Variants in ING5 observed in about 807,000 individuals in gnomAD.
The protein encoded by ING5 is inhibitor of growth family member 5.
ING5 carries 17 observed loss-of-function variants against 37.4 expected under a neutral mutation model. The ratio of observed to expected loss-of-function variants is 0.45; its 90% CI spans 0.31 to 0.68. ING5 has a LOEUF of 0.68. Among genes scored for constraint, ING5 ranks in the 30% least tolerant of loss-of-function variants. The pLI is 0.05. For synonymous variants in ING5, 123 were observed against 116.6 expected (o/e 1.06, Z -0.36); for missense variants, 233 against 311.9 (o/e 0.75, Z 1.91).
At chr2:241,701,673 G>A (rs1482253198), upstream of ING5, among the ~76,000 whole-genome samples, 9 of 152,286 alleles carry the variant, frequency 5.9e-5, no homozygotes, top group African/African-American at 1.9e-4. Context: ...AGCAGGGGTC[G>A]CGTGGGCGCC....
At chr2:241,697,849 G>A (rs575403851), upstream of ING5, among the ~76,000 whole-genome samples, 24 of 151,862 alleles carry the variant, frequency 1.6e-4, no homozygotes, top group South Asian at 4.6e-3. Context: ...TTGGAAGGCT[G>A]ATGCCAGTGG....
intron 1 of ING5, among the ~76,000 whole-genome samples, chr2:241,704,207 A>G (rs2069830656): frequency 6.6e-6 from 1 of 152,162 alleles, no homozygotes; most frequent in African/African-American, 2.4e-5. Flanking sequence ...TAAAAATGAG[A>G]TCACAGTCCT....
At chr2:241,689,453 A>G (rs974100595) in intron 1 of ING5, among the ~76,000 whole-genome samples, 1 of 152,122 alleles carries the variant, frequency 6.6e-6, no homozygotes, top group Non-Finnish European at 1.5e-5. Context: ...GAGACTTCCA[A>G]ATGGTAATGT....
intron 4 of ING5, chr2:241,711,738 A>C: frequency 3.5e-6 from 2 of 567,234 alleles, no homozygotes; most frequent in Non-Finnish European, 6.2e-6. Context: ...TCATCTCAAC[A>C]AAAAATTTAA....
At chr2:241,722,917 G>GCCTGTGC (rs2070466359) in intron 5 of ING5, 22 bp from the exon 6 acceptor site, 3 of 1,613,004 alleles carry the variant, frequency 1.9e-6, no homozygotes, top group Non-Finnish European at 2.5e-6. Flanking sequence ...CTTCAGTGGT[G>GCCTGTGC]CCTGTGCCCT....
intron 1 of ING5, among the ~76,000 whole-genome samples, chr2:241,688,388 A>G (rs182063810): frequency 9.7e-4 from 147 of 152,302 alleles, no homozygotes; most frequent in Middle Eastern, 3.4e-3. Context: ...TTTTTTCCCC[A>G]TGAGCTCTTG....
At chr2:241,693,225 A>T (rs2069581923) in intron 2 of ING5, among the ~76,000 whole-genome samples, 1 of 142,138 alleles carries the variant, frequency 7.0e-6, no homozygotes, top group Non-Finnish European at 1.5e-5. Flanking sequence ...ATTGCACTCC[A>T]GCCTGGGCGA....
intron 2 of ING5, among the ~76,000 whole-genome samples, chr2:241,708,022 T>TGAGTAGCTGGG (rs2069978130): frequency 1.3e-5 from 2 of 151,006 alleles, no homozygotes; most frequent in Non-Finnish European, 1.5e-5. Context: ...CTCAGCCTCC[T>TGAGTAGCTGGG]GAGTAGCTGG....
At chr2:241,716,534 A>G (rs2070276521) in intron 5 of ING5, among the ~76,000 whole-genome samples, 4 of 151,626 alleles carry the variant, frequency 2.6e-5, no homozygotes, top group South Asian at 4.2e-4. Context: ...ACCCCAAGTG[A>G]TCCACCCACC....
At chr2:241,708,838 T>C (rs2070008499) in intron 2 of ING5, among the ~76,000 whole-genome samples, 1 of 152,146 alleles carries the variant, frequency 6.6e-6, no homozygotes. Context: ...TTAAGAGTAG[T>C]GTGTTCTTTC....
At chr2:241,719,141 G>C (rs1185255716) in intron 5 of ING5, among the ~76,000 whole-genome samples, 1 of 152,232 alleles carries the variant, frequency 6.6e-6, no homozygotes, top group Admixed American at 6.5e-5. Flanking sequence ...TCCACAGTTG[G>C]TAGAAGTGCG....
chr2:241,712,398 G>C (rs1196329472), intron 5 of ING5: 2 of 258,022 alleles, frequency 7.8e-6, no homozygotes, highest in Non-Finnish European at 1.5e-5. Context: ...GGAGGATGGT[G>C]AGCAACGTGT....
chr2:241,687,729 G>A (rs897866495), exon 1 of ING5: 4 of 166,956 alleles, frequency 2.4e-5, no homozygotes, highest in African/African-American at 4.8e-5. Flanking sequence ...GGGTTTCACC[G>A]TGTTAGCCAG....
rs1691549226 is a variant in ING5 at position 241,724,969 on chromosome 2, C to T, written c.681-20C>T. On this transcript the variant is annotated intron_variant, in intron 7 of 7. Coordinates refer to ENST00000313552, the MANE Select transcript of ING5 (RefSeq NM_032329.6). ...GGCGGAAATGGCGCCCAGGGCCTCA[C>T]TGCGCCTTTCTTGTCACAGGTTCTG... The T allele has an allele frequency of 6.2e-7, 1 of 1,613,860 alleles. No individual in the cohort carries two copies. The highest frequency in any genetic ancestry group is 8.5e-7 in the Non-Finnish European group (1 of 1,179,818).
In ING5 at chr2:241,715,254, G is replaced by T. The variant is rs912913013; in HGVS notation, c.482+3183G>T. On this transcript the variant is annotated intron_variant, in intron 5 of 7. Transcript: ENST00000313552. ...CTGTCACCCAGGCTGGAGTGTAGTGGCATGATCCTGGCTCACTGCAGCCTC... is the reference window on the plus strand; with the variant it reads ...CTGTCACCCAGGCTGGAGTGTAGTGTCATGATCCTGGCTCACTGCAGCCTC... Among the ~76,000 whole-genome samples the T allele has an allele frequency of 1.4e-4, 21 of 151,966 alleles. 1 individual carries two copies. Among genetic ancestry groups the T allele is most frequent in the Admixed American group, 3.9e-4 (6 of 15,234 alleles).
chr2:241,712,169 A>G (rs1237213690), intron 5 of ING5, 98 bp downstream of exon 5: 1 of 965,118 alleles, frequency 1.0e-6, no homozygotes, highest in East Asian at 2.7e-5. Flanking sequence ...AGTGAAGTGC[A>G]CCCCGTGTGC....
At chr2:241,704,776 C>CTGCTGGCTCCCA in intron 2 of ING5, 52 bp downstream of exon 2, 1 of 1,460,842 alleles carries the variant, frequency 6.8e-7, no homozygotes, top group Non-Finnish European at 9.6e-7. Context: ...CAGGTGGGAG[C>CTGCTGGCTCCCA]CAGCAGCTCC....
At chr2:241,701,990 G>A (rs1387288153), upstream of ING5, 18 of 1,091,210 alleles carry the variant, frequency 1.6e-5, no homozygotes, top group African/African-American at 2.3e-4. Flanking sequence ...AATAGTGAGC[G>A]CGCTGGCACC....
At chr2:241,709,140 C>A (rs530651606) in intron 2 of ING5, 76 bp from the exon 3 acceptor site, 93 of 1,483,946 alleles carry the variant, frequency 6.3e-5, no homozygotes, top group Non-Finnish European at 8.0e-5. Context: ...CGTTGGCTGA[C>A]TTTAGTTGTT....
Sources: gnomAD v4.1 joint callset for allele counts (sites outside exome capture counted in the v4.1 genomes callset) on GRCh38, gnomAD v4.1.1 for gene constraint, MANE v1.5 for transcripts, NCBI Gene and HGNC (gene_info 2026-07-23, HGNC 2026-07-21) for gene names.